Variants in ZMIZ1 observed in about 807,000 individuals in gnomAD.
ZMIZ1 encodes zinc finger MIZ domain-containing protein 1.
ZMIZ1 carries 17 observed loss-of-function variants against 113.9 expected under a neutral mutation model. The ratio of observed to expected loss-of-function variants is 0.15; its 90% confidence interval spans 0.10 to 0.22. The LOEUF (loss-of-function observed/expected upper bound fraction) is 0.22, where lower values mean the gene tolerates loss of function less well. ZMIZ1 is among the 10% of genes least tolerant of loss of function. The probability of loss-of-function intolerance (pLI) is 1.00; values close to 1 mark genes in which losing one functional copy is unlikely to be tolerated. For synonymous variants in ZMIZ1, 607 were observed against 603.1 expected, an observed-to-expected ratio of 1.01 and a Z score of -0.09; for missense variants, 1,059 against 1,477.8, an observed-to-expected ratio of 0.72 and a Z score of 4.65.
rs1849066679 is a variant in ZMIZ1 at position 79,223,355 on chromosome 10, GCTGGGGCA to G, written c.280+7083_280+7090del. Among the ~76,000 whole-genome samples the G allele has an allele frequency of 7.9e-5, 12 of 152,360 alleles. No homozygotes were observed. In the South Asian group the frequency reaches 2.5e-3, roughly 32 times the overall value. On this transcript the variant is annotated intron_variant, in intron 7 of 24. Coordinates refer to ENST00000334512, the MANE Select transcript of ZMIZ1 (RefSeq NM_020338.4). ...CCTTGAAATGCCAGCCGCCTGGCAG[GCTGGGGCA>G]CCTTTTCAAGGTCGGGACAGACTTC... is the stretch of plus-strand genomic sequence containing the variant.
chr10:79,294,110 G>A, intron 12 of ZMIZ1: 1 of 207,420 alleles, frequency 4.8e-6, no homozygotes, highest in South Asian at 8.2e-5. Context: ...GGAAGTGACT[G>A]GAAGGCAGGC....
In ZMIZ1 at chr10:79,276,641, G is replaced by A. The variant is rs116409759; in HGVS notation, c.281-540G>A. Among the ~76,000 whole-genome samples the A allele has an allele frequency of 7.6e-3, 1,158 of 152,248 alleles. 12 individuals carry two copies. Among genetic ancestry groups the A allele is most frequent in the African/African-American group, 0.026 (1,093 of 41,556 alleles). On this transcript the variant is annotated intron_variant, in intron 7 of 24. Transcript: ENST00000334512. The stretch of plus-strand genomic sequence containing the variant: ...GCCAGTTTCTGGGCAGGAGTTTCAG[G>A]GACAGCCCTGCAGACACTCCTAGGT...
intron 4 of ZMIZ1, among the ~76,000 whole-genome samples, chr10:79,186,829 A>T (rs1230937561): frequency 6.6e-6 from 1 of 152,248 alleles, no homozygotes; most frequent in Non-Finnish European, 1.5e-5. Flanking sequence ...CGCCAGGCTG[A>T]CTGGTCAAAG....
At chr10:79,306,068 G>C (rs758891428) in intron 21 of ZMIZ1, 32 bp from the exon 22 acceptor site, 1 of 1,600,968 alleles carries the variant, frequency 6.2e-7, no homozygotes, top group Non-Finnish European at 8.5e-7. Flanking sequence ...AGGCACCCCG[G>C]AGCCTCAGCT....
rs1842177059 is a variant in ZMIZ1, at chr10:79,069,545, G to A, written c.-337+275G>A. ...GTCAGGGTGTGCGGGGCGTAAGTGT[G>A]GTCGTGCGCGCGCGGACCCGGTGCC... On this transcript the variant is annotated intron_variant, in intron 1 of 24. Coordinates refer to ENST00000334512, the MANE Select transcript of ZMIZ1 (RefSeq NM_020338.4). The surrounding 1 kb of genome is among the most constrained non-coding windows in gnomAD (Gnocchi z 4.6). Among the ~76,000 whole-genome samples the A allele has an allele frequency of 6.6e-6, 1 of 151,854 alleles. No individual in the cohort carries two copies. Among genetic ancestry groups the A allele is most frequent in the Non-Finnish European group, 1.5e-5 (1 of 67,926 alleles).
At chr10:79,295,380 C>T (rs1228660357) in intron 12 of ZMIZ1, 1 of 152,262 alleles carries the variant, frequency 6.6e-6, no homozygotes, top group Non-Finnish European at 1.5e-5. Context: ...TACCCAGCTA[C>T]AGCACTGGGT....
At chr10:79,310,526 G>A (rs1414423547) in intron 23 of ZMIZ1, among the ~76,000 whole-genome samples, 1 of 152,184 alleles carries the variant, frequency 6.6e-6, no homozygotes, top group African/African-American at 2.4e-5. Context: ...CGCTGAGGCA[G>A]CCGCCCTCCT....
intron 23 of ZMIZ1, 72 bp downstream of exon 23, chr10:79,307,643 G>C: frequency 2.0e-6 from 3 of 1,519,558 alleles, no homozygotes; most frequent in Admixed American, 4.1e-5. Context: ...TGGATACCCT[G>C]TTCCCTCCCA....
At position 79,236,454 on chromosome 10, in the gene ZMIZ1, G is replaced by T. The variant is rs186999517; in HGVS notation, c.280+20180G>T. On this transcript the variant is annotated intron_variant, in intron 7 of 24. Coordinates refer to ENST00000334512, the MANE Select transcript of ZMIZ1 (RefSeq NM_020338.4). Reference sequence around the variant, plus strand: ...AAGCCCCCATCAAAGCTGTGTCCTGGGAGAAGCAATGAAACCCCAGGACTG... The same window carrying T: ...AAGCCCCCATCAAAGCTGTGTCCTGTGAGAAGCAATGAAACCCCAGGACTG... 6.1e-3 allele frequency among the ~76,000 whole-genome samples: 928 copies of T among 152,294 alleles called. 10 individuals are homozygous for T. Among genetic ancestry groups the T allele is most frequent in the African/African-American group, 0.021 (879 of 41,546 alleles).
chr10:79,311,423 C>T (rs1855154178), intron 24 of ZMIZ1, among the ~76,000 whole-genome samples: 1 of 152,180 alleles, frequency 6.6e-6, no homozygotes, highest in East Asian at 1.9e-4. Context: ...TAGCCCTGAA[C>T]CCCAGCCCTG....
At chr10:79,216,565 A>G (rs1848739365) in intron 7 of ZMIZ1, among the ~76,000 whole-genome samples, 1 of 152,184 alleles carries the variant, frequency 6.6e-6, no homozygotes, top group Non-Finnish European at 1.5e-5. Flanking sequence ...GACCAGCATC[A>G]GCTCACTCCA....
At chr10:79,152,007 C>G (rs1218848178) in intron 3 of ZMIZ1, among the ~76,000 whole-genome samples, 4 of 152,206 alleles carry the variant, frequency 2.6e-5, no homozygotes, top group African/African-American at 7.2e-5. Flanking sequence ...TGGTGCTCTG[C>G]TCTGTTTATA....
At chr10:79,311,304 G>GGGGGGGGGGGGGGC in intron 24 of ZMIZ1, 120 bp downstream of exon 24, 4 of 359,152 alleles carry the variant, frequency 1.1e-5, no homozygotes, top group East Asian at 7.5e-5. Flanking sequence ...TGGGCGGTGG[G>GGGGGGGGGGGGGGC]AGGGCTTCAC....
At chr10:79,138,464 C>A (rs1400599957) in intron 2 of ZMIZ1, among the ~76,000 whole-genome samples, 1 of 152,214 alleles carries the variant, frequency 6.6e-6, no homozygotes, top group African/African-American at 2.4e-5. Flanking sequence ...CTTTGGGACA[C>A]CCCGTCCCCA....
At chr10:79,148,287 C>T (rs1239371799) in intron 3 of ZMIZ1, among the ~76,000 whole-genome samples, 1 of 152,228 alleles carries the variant, frequency 6.6e-6, no homozygotes, top group Admixed American at 6.5e-5. Context: ...CCAGGTAAGG[C>T]CTAGGAGAGA....
intron 8 of ZMIZ1, among the ~76,000 whole-genome samples, chr10:79,285,146 C>T (rs778160034): frequency 2.2e-4 from 34 of 152,230 alleles, no homozygotes; most frequent in South Asian, 6.2e-4. Context: ...GAGCCTGATA[C>T]GGTCTGGTGA....
rs770219842 is a variant in ZMIZ1 at position 79,201,713 on chromosome 10, A to G, written c.60+21A>G. 5.6e-6 allele frequency: 9 copies of G among 1,609,426 alleles called. No individual in the cohort carries two copies. The African/African-American group carries it at 1.1e-4, about 19-fold the overall frequency. On this transcript the variant is annotated intron_variant, in intron 5 of 24. Coordinates refer to ENST00000334512, the MANE Select transcript of ZMIZ1 (RefSeq NM_020338.4). ...AGCAGGTGGGTGTGGGGCAAGGCAC[A>G]CTCCGAGGGCGGGGCAGATGGGGCG...
chr10:79,182,222 TG>T (rs1847152445), intron 4 of ZMIZ1, among the ~76,000 whole-genome samples: 1 of 152,096 alleles, frequency 6.6e-6, no homozygotes, highest in South Asian at 2.1e-4. Flanking sequence ...ATTTTTCAGA[TG>T]AAAAAGACAA....
At chr10:79,243,980 G>GT (rs1185731020) in intron 7 of ZMIZ1, among the ~76,000 whole-genome samples, 1 of 152,268 alleles carries the variant, frequency 6.6e-6, no homozygotes, top group African/African-American at 2.4e-5. Context: ...GGGCCACGGG[G>GT]CAGAGTGCGC....
Sources: gnomAD v4.1 joint callset for allele counts (sites outside exome capture counted in the v4.1 genomes callset) on GRCh38, gnomAD v4.1.1 for gene constraint, Gnocchi (gnomAD v3.1) non-coding constraint, MANE v1.5 for transcripts, NCBI Gene and HGNC (gene_info 2026-07-23, HGNC 2026-07-21) for gene names.